The following PRMT3 variants were observed in gnomAD, a reference collection of about 807,000 sequenced individuals.
PRMT3 encodes the protein protein arginine methyltransferase 3, also known as protein arginine N-methyltransferase 3.
In PRMT3, 62 loss-of-function variants were observed where a neutral mutation model predicts 71.9. The ratio of observed to expected loss-of-function variants is 0.86; its 90% CI spans 0.70 to 1.07. The LOEUF (loss-of-function observed/expected upper bound fraction) is 1.07. PRMT3 is among the 50% of genes least tolerant of loss of function. PRMT3 has a pLI of 0.00. For missense variants in PRMT3, 663 were observed against 643.0 expected, an observed-to-expected ratio of 1.03 and a Z score of -0.34; for synonymous variants, 213 against 220.4, an observed-to-expected ratio of 0.97 and a Z score of 0.30.
chr11:20,507,251 C>T (rs551085128), intron 15 of PRMT3, among the ~76,000 whole-genome samples: 18 of 152,206 alleles, frequency 1.2e-4, no homozygotes, highest in Non-Finnish European at 2.1e-4. Context: ...ACACTTTAGA[C>T]ACATGCCTAT....
intron 9 of PRMT3, among the ~76,000 whole-genome samples, chr11:20,424,870 C>T (rs1478822146): frequency 1.3e-5 from 2 of 152,028 alleles, no homozygotes; most frequent in Non-Finnish European, 2.9e-5. Context: ...CCTGTAATCC[C>T]AGCACTTTGG....
At position 20,494,199 on chromosome 11, in the gene PRMT3, AAC is replaced by A. The variant is rs765641036; in HGVS notation, c.1436_1437del (p.His479LeufsTer15). On this transcript the variant is annotated frameshift_variant, in exon 15 of 16. Transcript: ENST00000331079. LOFTEE classifies it high-confidence loss of function. ...TCTCTACGGGCCCTCAGAGCACCAAAACACACTGGAAACAAACAGTATTTCTA... is the reference window on the plus strand; with the variant it reads ...TCTCTACGGGCCCTCAGAGCACCAAAACACTGGAAACAAACAGTATTTCTA... ...VFSTGPQSTK[T>X]HWKQTVFLLE... 1.2e-6 allele frequency: 2 copies of A among 1,611,778 alleles called. No homozygotes were observed. Among genetic ancestry groups the A allele is most frequent in the African/African-American group, 2.7e-5 (2 of 74,882 alleles).
chr11:20,451,493 TG>T (rs1393194768), intron 10 of PRMT3, among the ~76,000 whole-genome samples: 1 of 151,202 alleles, frequency 6.6e-6, no homozygotes, highest in Admixed American at 6.6e-5. Context: ...CTTTCTTTTT[TG>T]TTTTTTTTTT....
chr11:20,442,736 G>A (rs544568751), intron 10 of PRMT3, among the ~76,000 whole-genome samples: 10 of 152,106 alleles, frequency 6.6e-5, no homozygotes, highest in African/African-American at 2.2e-4. Context: ...CAAATATAAG[G>A]TTTTTATTCT....
chr11:20,412,243 G>GT (rs914912177), intron 9 of PRMT3, among the ~76,000 whole-genome samples: 24 of 152,086 alleles, frequency 1.6e-4, no homozygotes, highest in African/African-American at 5.8e-4. Context: ...AGATGGCCAT[G>GT]TTTAAGATTC....
chr11:20,456,296 G>A (rs1850266371), intron 11 of PRMT3, among the ~76,000 whole-genome samples: 1 of 152,018 alleles, frequency 6.6e-6, no homozygotes, highest in African/African-American at 2.4e-5. Flanking sequence ...TAAGAAAAAT[G>A]TCTTAAGAAA....
chr11:20,504,513 G>C (rs76242946), intron 15 of PRMT3, among the ~76,000 whole-genome samples: 4,620 of 152,136 alleles, frequency 0.03, 234 homozygotes, highest in African/African-American at 0.11. Context: ...AAGCCTGTTA[G>C]GATTTTGACT....
chr11:20,483,999 C>T (rs1032754050), intron 13 of PRMT3, among the ~76,000 whole-genome samples: 28 of 152,220 alleles, frequency 1.8e-4, no homozygotes, highest in African/African-American at 6.7e-4. Flanking sequence ...TTCCTTTTAC[C>T]AAAGGTTGGG....
intron 10 of PRMT3, among the ~76,000 whole-genome samples, chr11:20,448,482 A>G (rs1348678795): frequency 6.6e-6 from 1 of 152,158 alleles, no homozygotes; most frequent in African/African-American, 2.4e-5. Flanking sequence ...TGTTGCAGGT[A>G]ATCTTTAAGT....
In PRMT3 at chr11:20,445,001, T is replaced by C. The variant is rs142421702; in HGVS notation, c.994-7129T>C. On this transcript the variant is annotated intron_variant, in intron 10 of 15. Transcript: ENST00000331079. Reference sequence around the variant, plus strand: ...AAGTATTGTTCTTTGTCCCTGATAATGTTTTTAATAATTGTAATTTTCTTA... The same window carrying C: ...AAGTATTGTTCTTTGTCCCTGATAACGTTTTTAATAATTGTAATTTTCTTA... Among the ~76,000 whole-genome samples, 92 of 152,188 alleles carry C rather than the reference T, an allele frequency of 6.0e-4. No homozygotes were observed. In the East Asian group the frequency reaches 0.017, roughly 29 times the overall value.
chr11:20,419,308 T>C (rs1481357469), intron 9 of PRMT3, among the ~76,000 whole-genome samples: 1 of 152,244 alleles, frequency 6.6e-6, no homozygotes, highest in African/African-American at 2.4e-5. Flanking sequence ...CCTTTTTCTG[T>C]GAAATATCTG....
intron 8 of PRMT3, chr11:20,407,690 C>A (rs576907261): frequency 1.2e-5 from 4 of 346,940 alleles, no homozygotes; most frequent in Non-Finnish European, 2.1e-5. Flanking sequence ...ATTATAATTT[C>A]AATACGTAAT....
At chr11:20,400,889 C>T (rs768021159) in intron 7 of PRMT3, among the ~76,000 whole-genome samples, 8 of 151,504 alleles carry the variant, frequency 5.3e-5, no homozygotes, top group South Asian at 4.2e-4. Flanking sequence ...TTTGTATTGA[C>T]GTGTTAGCCT....
At chr11:20,431,283 A>G (rs542458439) in intron 10 of PRMT3, among the ~76,000 whole-genome samples, 17 of 152,168 alleles carry the variant, frequency 1.1e-4, no homozygotes, top group Non-Finnish European at 2.4e-4. Flanking sequence ...GAGGCAAACT[A>G]CCTCCATTCT....
Position 20,503,649 on chromosome 11 carries a change from C to T in PRMT3, c.1487-4655C>T, listed in dbSNP as rs532333061. ...CTTGGCATTTTTTTTTTTTGAGATT[C>T]TTCTATCATTAGGTTGTTCCTTTTT... On this transcript the variant is annotated intron_variant, in intron 15 of 15. Coordinates refer to ENST00000331079, the MANE Select transcript of PRMT3 (RefSeq NM_005788.4). Among the ~76,000 whole-genome samples, 11 of 148,544 alleles carry T rather than the reference C, an allele frequency of 7.4e-5. No individual in the cohort carries two copies. In the South Asian group the frequency reaches 1.1e-3, roughly 14 times the overall value.
At chr11:20,405,212 G>A (rs1167976342) in intron 8 of PRMT3, among the ~76,000 whole-genome samples, 8 of 151,636 alleles carry the variant, frequency 5.3e-5, no homozygotes, top group Non-Finnish European at 8.8e-5. Flanking sequence ...GTATTTAATC[G>A]TGTTGTCACC....
intron 9 of PRMT3, among the ~76,000 whole-genome samples, chr11:20,416,357 C>G (rs1849304810): frequency 6.6e-6 from 1 of 152,064 alleles, no homozygotes; most frequent in Admixed American, 6.6e-5. Context: ...ATATTTCTTG[C>G]CACTCTCAAA....
At chr11:20,471,854 G>T (rs1048453315) in intron 13 of PRMT3, among the ~76,000 whole-genome samples, 4 of 152,088 alleles carry the variant, frequency 2.6e-5, no homozygotes, top group Admixed American at 6.6e-5. Context: ...TTTTCAATTT[G>T]TTTGTGTCCT....
chr11:20,446,238 C>T (rs1185187840), intron 10 of PRMT3, among the ~76,000 whole-genome samples: 1 of 151,918 alleles, frequency 6.6e-6, no homozygotes, highest in Non-Finnish European at 1.5e-5. Context: ...CTGCTAATCT[C>T]GTAGTCATGT....
Sources: gnomAD v4.1 joint callset for allele counts (sites outside exome capture counted in the v4.1 genomes callset) on GRCh38, gnomAD v4.1.1 for gene constraint, MANE v1.5 for transcripts, NCBI Gene and HGNC (gene_info 2026-07-23, HGNC 2026-07-21) for gene names.